The following NR3C2 variants were observed in gnomAD, a reference collection of about 807,000 sequenced individuals.
The protein encoded by NR3C2 is nuclear receptor subfamily 3 group C member 2, also known as mineralocorticoid receptor.
A neutral mutation model predicts 86.4 loss-of-function variants in NR3C2; 15 were observed. The observed-to-expected ratio is 0.17, with a 90% CI of 0.12 to 0.27. The LOEUF (loss-of-function observed/expected upper bound fraction) is 0.27. NR3C2 is among the 10% of genes least tolerant of loss of function. NR3C2 has a pLI of 1.00. For missense variants in NR3C2, 960 were observed against 1,195.6 expected (o/e 0.80, Z 2.91); for synonymous variants, 458 against 450.5 (o/e 1.02, Z -0.21).
intron 3 of NR3C2, among the ~76,000 whole-genome samples, chr4:148,242,212 T>C (rs1202607708): frequency 3.3e-5 from 5 of 152,188 alleles, no homozygotes; most frequent in Admixed American, 1.3e-4. Context: ...CTAATGTGTA[T>C]TTTATCACCA....
At chr4:148,317,053 A>G (rs1743225830) in intron 2 of NR3C2, among the ~76,000 whole-genome samples, 1 of 152,176 alleles carries the variant, frequency 6.6e-6, no homozygotes, top group Non-Finnish European at 1.5e-5. Flanking sequence ...TCAGCCACCC[A>G]AAGTGCTGGG....
intron 2 of NR3C2, among the ~76,000 whole-genome samples, chr4:148,367,290 G>A (rs570511699): frequency 6.6e-6 from 1 of 152,108 alleles, no homozygotes; most frequent in Non-Finnish European, 1.5e-5. Context: ...AGCCAATATA[G>A]CAACCCAAAT....
upstream of NR3C2, chr4:148,445,088 C>A: frequency 1.3e-6 from 1 of 783,586 alleles, no homozygotes; most frequent in Non-Finnish European, 1.5e-6. Context: ...GGGGCGCCGG[C>A]AGCCGCCCTC....
intron 3 of NR3C2, among the ~76,000 whole-genome samples, chr4:148,237,671 GT>G (rs138670744): frequency 0.18 from 25,748 of 143,454 alleles, 2,206 homozygotes; most frequent in Admixed American, 0.27. Context: ...AACAAAATGG[GT>G]TTTTTTTTTT....
intron 2 of NR3C2, among the ~76,000 whole-genome samples, chr4:148,312,119 T>C (rs1742931788): frequency 6.6e-6 from 1 of 152,214 alleles, no homozygotes. Flanking sequence ...AGGCAGCTTA[T>C]ACTGGCTCGT....
chr4:148,174,620 G>A (rs1735282613), intron 4 of NR3C2, among the ~76,000 whole-genome samples: 1 of 152,198 alleles, frequency 6.6e-6, no homozygotes, highest in South Asian at 2.1e-4. Context: ...CCTTTGCTCT[G>A]CGTCTCCCCA....
chr4:148,321,297 A>G (rs1743569037), intron 2 of NR3C2, among the ~76,000 whole-genome samples: 1 of 148,250 alleles, frequency 6.7e-6, no homozygotes, highest in Admixed American at 6.9e-5. Context: ...TTTACTTCCA[A>G]CTATGTGGTC....
At chr4:148,302,083 TCA>T (rs748507005) in intron 2 of NR3C2, among the ~76,000 whole-genome samples, 12 of 152,252 alleles carry the variant, frequency 7.9e-5, no homozygotes, top group Non-Finnish European at 1.6e-4. Flanking sequence ...ATTTTGTTAT[TCA>T]CAGATAATTG....
intron 2 of NR3C2, among the ~76,000 whole-genome samples, chr4:148,315,168 T>G (rs780548859): frequency 7.2e-5 from 11 of 152,206 alleles, no homozygotes; most frequent in Non-Finnish European, 1.5e-4. Context: ...TTCAGCCACT[T>G]TGATCCGCCA....
chr4:148,248,182 T>G (rs1308360316), intron 3 of NR3C2, among the ~76,000 whole-genome samples: 1 of 152,230 alleles, frequency 6.6e-6, no homozygotes, highest in Non-Finnish European at 1.5e-5. Flanking sequence ...CATCGACCAT[T>G]CTCCTTGGAA....
At chr4:148,319,393 G>C (rs1271697142) in intron 2 of NR3C2, among the ~76,000 whole-genome samples, 1 of 152,134 alleles carries the variant, frequency 6.6e-6, no homozygotes, top group South Asian at 2.1e-4. Context: ...CTTTCAAGTA[G>C]TTTTTTCCAA....
At chr4:148,193,415 G>A (rs28376416) in intron 4 of NR3C2, among the ~76,000 whole-genome samples, 4,966 of 152,228 alleles carry the variant, frequency 0.033, 141 homozygotes, top group African/African-American at 0.079. Context: ...TCTTGCAGTG[G>A]ATCTGGAGCT....
chr4:148,388,140 ATAATT>A (rs1374688508), intron 2 of NR3C2, among the ~76,000 whole-genome samples: 2 of 152,230 alleles, frequency 1.3e-5, no homozygotes, highest in African/African-American at 4.8e-5. Context: ...GCTTCGGAAA[ATAATT>A]TACATGCTAG....
At chr4:148,274,260 T>C (rs1467963256) in intron 2 of NR3C2, among the ~76,000 whole-genome samples, 6 of 152,232 alleles carry the variant, frequency 3.9e-5, no homozygotes, top group Admixed American at 2.6e-4. Flanking sequence ...AATAATTTAT[T>C]GAAGTCTTAG....
At chr4:148,176,214 G>A (rs1157323293) in intron 4 of NR3C2, among the ~76,000 whole-genome samples, 1 of 152,322 alleles carries the variant, frequency 6.6e-6, no homozygotes, top group Admixed American at 6.5e-5. Context: ...AACCTTTACA[G>A]TAAAACTGGG....
intron 2 of NR3C2, among the ~76,000 whole-genome samples, chr4:148,361,806 A>T (rs1745850568): frequency 1.4e-5 from 2 of 145,612 alleles, no homozygotes; most frequent in South Asian, 4.3e-4. Context: ...TGAGGGACAT[A>T]ACCAGATAAC....
At chr4:148,372,157 G>C (rs939518793) in intron 2 of NR3C2, among the ~76,000 whole-genome samples, 3 of 152,072 alleles carry the variant, frequency 2.0e-5, no homozygotes, top group African/African-American at 7.2e-5. Flanking sequence ...TTTAAAGTAA[G>C]TTCTATTCCT....
In NR3C2 at chr4:148,375,706, T is replaced by C. The variant is rs576932682; in HGVS notation, c.1757+59398A>G. On this transcript the variant is annotated intron_variant, in intron 2 of 8. Transcript: ENST00000358102. Reference sequence around the variant, plus strand: ...AATACAAAATTTCCAAGCTTTTTCTTGAATTAAAAAAAACAGTTTCAAAAG... The same window carrying C: ...AATACAAAATTTCCAAGCTTTTTCTCGAATTAAAAAAAACAGTTTCAAAAG... Among the ~76,000 whole-genome samples the C allele has an allele frequency of 5.3e-5, 8 of 152,192 alleles. No homozygotes were observed. The South Asian group carries it at 1.4e-3, about 28-fold the overall frequency.
intron 2 of NR3C2, among the ~76,000 whole-genome samples, chr4:148,371,140 T>C (rs950180458): frequency 2.0e-5 from 3 of 152,196 alleles, no homozygotes; most frequent in African/African-American, 7.2e-5. Context: ...CACATTGGGG[T>C]AAATGGGGAA....
Sources: gnomAD v4.1 joint callset for allele counts (sites outside exome capture counted in the v4.1 genomes callset) on GRCh38, gnomAD v4.1.1 for gene constraint, MANE v1.5 for transcripts, NCBI Gene and HGNC (gene_info 2026-07-23, HGNC 2026-07-21) for gene names.